TRDMT1: variants seen among roughly 807,000 people sequenced by gnomAD.
TRDMT1 encodes the protein tRNA aspartic acid methyltransferase 1.
A neutral mutation model predicts 51.2 loss-of-function variants in TRDMT1; 49 were observed. That is an observed-to-expected ratio of 0.96 (90% CI 0.76 to 1.21). The LOEUF (loss-of-function observed/expected upper bound fraction) is 1.21, where lower values mean the gene tolerates loss of function less well. Ranked by LOEUF, TRDMT1 falls within the 50% of genes most tolerant of loss-of-function variation. The pLI, the probability that TRDMT1 is intolerant of heterozygous loss-of-function variation, is 0.00. For synonymous variants in TRDMT1, 187 were observed against 164.6 expected (o/e 1.14, Z -1.04); for missense variants, 534 against 462.3 (o/e 1.16, Z -1.42).
intron 10 of TRDMT1, 52 bp from the exon 11 acceptor site, chr10:17,149,192 G>T (rs1340321400): frequency 7.1e-7 from 1 of 1,416,378 alleles, no homozygotes; most frequent in South Asian, 1.2e-5. Flanking sequence ...ACAATTTCCA[G>T]AGATGAAAGG....
At chr10:17,161,198 C>G (rs1307281305) in intron 5 of TRDMT1, among the ~76,000 whole-genome samples, 1 of 152,110 alleles carries the variant, frequency 6.6e-6, no homozygotes, top group South Asian at 2.1e-4. Flanking sequence ...GAAATAAGCA[C>G]CAATATAAAT....
intron 1 of TRDMT1, among the ~76,000 whole-genome samples, chr10:17,180,676 G>A (rs1843179868): frequency 6.6e-6 from 1 of 152,058 alleles, no homozygotes; most frequent in African/African-American, 2.4e-5. Flanking sequence ...AGAGAAACTA[G>A]TATTTCCTAG....
At chr10:17,153,772 G>T in intron 9 of TRDMT1, 136 bp from the exon 10 acceptor site, 1 of 818,138 alleles carries the variant, frequency 1.2e-6, no homozygotes, top group Non-Finnish European at 1.8e-6. Context: ...GGGCAAAATG[G>T]CTCTGTGCAA....
At chr10:17,170,672 T>C (rs1396745022) in intron 2 of TRDMT1, among the ~76,000 whole-genome samples, 1 of 152,226 alleles carries the variant, frequency 6.6e-6, no homozygotes, top group Non-Finnish European at 1.5e-5. Flanking sequence ...TTTTACAATA[T>C]TCAGCCATCC....
chr10:17,194,597 A>G (rs1278754688), intron 1 of TRDMT1, among the ~76,000 whole-genome samples: 2 of 152,144 alleles, frequency 1.3e-5, no homozygotes, highest in Non-Finnish European at 2.9e-5. Context: ...CAAAACCACA[A>G]TAGGACAGCA....
At chr10:17,185,412 AG>A (rs375238907) in intron 1 of TRDMT1, among the ~76,000 whole-genome samples, 20,807 of 152,106 alleles carry the variant, frequency 0.14, 1,514 homozygotes, top group Admixed American at 0.17. Flanking sequence ...TTAAAAAGTC[AG>A]GAAACAACAG....
intron 2 of TRDMT1, among the ~76,000 whole-genome samples, chr10:17,172,477 G>C (rs980257112): frequency 1.3e-5 from 2 of 151,996 alleles, no homozygotes; most frequent in Non-Finnish European, 2.9e-5. Context: ...GGGCAACATA[G>C]TGAGACCCTG....
intron 2 of TRDMT1, among the ~76,000 whole-genome samples, chr10:17,172,396 G>A (rs1393397499): frequency 6.6e-6 from 1 of 152,096 alleles, no homozygotes; most frequent in African/African-American, 2.4e-5. Context: ...AGTGGCTCAT[G>A]CCTGTAATCC....
At position 17,148,829 on chromosome 10, in the gene TRDMT1, A is replaced by G; in HGVS notation, c.*211T>C. 1 of 1,148,932 alleles carries G rather than the reference A, an allele frequency of 8.7e-7. No homozygotes were observed. Among genetic ancestry groups the G allele is most frequent in the East Asian group, 3.8e-5 (1 of 26,294 alleles). 71.2% of individuals were successfully genotyped at this position (1,148,932 alleles called of 1,614,324 possible). On this transcript the variant is annotated 3_prime_UTR_variant, in exon 11 of 11. Transcript: ENST00000377799. ...TTTCATATGAAAATATACTCTCCAT[A>G]AAGCATAACAATAGTTCGTATTTTA... is the stretch of plus-strand genomic sequence containing the variant.
At chr10:17,151,112 A>G (rs1838661163) in intron 10 of TRDMT1, 12 of 767,326 alleles carry the variant, frequency 1.6e-5, no homozygotes, top group Admixed American at 6.3e-5. Context: ...GCATCTGTGC[A>G]TATTTCTTTA....
chr10:17,160,763 G>A (rs537091310), intron 5 of TRDMT1, among the ~76,000 whole-genome samples: 48 of 152,254 alleles, frequency 3.2e-4, no homozygotes, highest in African/African-American at 1.0e-3. Context: ...GAGCCACCGC[G>A]CCCGGCCCAC....
chr10:17,172,594 A>G (rs1374647915), intron 2 of TRDMT1, among the ~76,000 whole-genome samples: 1 of 152,220 alleles, frequency 6.6e-6, no homozygotes, highest in Non-Finnish European at 1.5e-5. Context: ...CCCTTTCCAC[A>G]TATAACCAAC....
At chr10:17,151,815 A>C in intron 10 of TRDMT1, 1 of 873,632 alleles carries the variant, frequency 1.1e-6, no homozygotes, top group African/African-American at 1.8e-5. Context: ...TAAGAATTTC[A>C]TAAACATTGA....
intron 1 of TRDMT1, chr10:17,201,290 T>G (rs143754388): frequency 7.4e-6 from 3 of 403,862 alleles, no homozygotes; most frequent in Non-Finnish European, 1.3e-5. Flanking sequence ...CCCTTTGAGG[T>G]TGATTTACTG....
At chr10:17,166,365 T>C (rs1340771093) in intron 3 of TRDMT1, among the ~76,000 whole-genome samples, 2 of 89,578 alleles carry the variant, frequency 2.2e-5, no homozygotes, top group Non-Finnish European at 4.1e-5. Flanking sequence ...CACCGGGGCC[T>C]GTTGTGGGGT....
chr10:17,180,798 A>T (rs961765244), intron 1 of TRDMT1, among the ~76,000 whole-genome samples: 2 of 152,188 alleles, frequency 1.3e-5, no homozygotes, highest in Non-Finnish European at 2.9e-5. Context: ...GCTAAACTGA[A>T]CACTAAGCAA....
At chr10:17,161,617 T>A in intron 4 of TRDMT1, 69 bp from the exon 5 acceptor site, 1 of 841,372 alleles carries the variant, frequency 1.2e-6, no homozygotes. Flanking sequence ...AGAAAATCAT[T>A]ACTTGTGGGA....
intron 8 of TRDMT1, 27 bp downstream of exon 8, chr10:17,157,414 C>A: frequency 6.6e-7 from 1 of 1,511,878 alleles, no homozygotes; most frequent in Non-Finnish European, 8.9e-7. Flanking sequence ...ATTTTGGATA[C>A]AGGATCAATA....
intron 1 of TRDMT1, among the ~76,000 whole-genome samples, chr10:17,196,446 T>C (rs1005298212): frequency 1.2e-4 from 19 of 152,244 alleles, no homozygotes; most frequent in African/African-American, 4.3e-4. Flanking sequence ...AGAATCTTAT[T>C]TGCATATATT....
Sources: allele counts gnomAD v4.1 joint callset (sites outside exome capture counted in the v4.1 genomes callset), GRCh38; gene constraint gnomAD v4.1.1; transcripts MANE v1.5; gene names NCBI Gene and HGNC (gene_info 2026-07-23, HGNC 2026-07-21).